Variants in CORO2B observed in about 807,000 individuals in gnomAD.
CORO2B encodes coronin-2B.
A neutral mutation model predicts 58.8 loss-of-function variants in CORO2B; 26 were observed. The ratio of observed to expected loss-of-function variants is 0.44; its 90% confidence interval spans 0.32 to 0.61. The LOEUF (loss-of-function observed/expected upper bound fraction) is 0.61. Among genes scored for constraint, CORO2B ranks in the 20% least tolerant of loss-of-function variants. The pLI, the probability that CORO2B is intolerant of heterozygous loss-of-function variation, is 0.04. For missense variants in CORO2B, 460 were observed against 645.1 expected (o/e 0.71, Z 3.11); for synonymous variants, 242 against 253.8 (o/e 0.95, Z 0.44).
intron 2 of CORO2B, among the ~76,000 whole-genome samples, chr15:68,681,962 T>C (rs1902804062): frequency 6.6e-6 from 1 of 152,122 alleles, no homozygotes; most frequent in African/African-American, 2.4e-5. Flanking sequence ...GAGCCAGACT[T>C]GGAACCAGAT....
intron 2 of CORO2B, among the ~76,000 whole-genome samples, chr15:68,660,295 C>T (rs558738077): frequency 6.6e-6 from 1 of 152,322 alleles, no homozygotes; most frequent in Admixed American, 6.5e-5. Context: ...GGCATTGCTT[C>T]AGAAGCACTC....
chr15:68,618,574 C>G (rs1257226196), intron 1 of CORO2B, among the ~76,000 whole-genome samples: 1 of 152,258 alleles, frequency 6.6e-6, no homozygotes, highest in Non-Finnish European at 1.5e-5. Context: ...GGCACATGAG[C>G]AGTGCTCTTC....
At chr15:68,632,176 C>T in intron 1 of CORO2B, 2 of 985,562 alleles carry the variant, frequency 2.0e-6, no homozygotes, top group Non-Finnish European at 2.4e-6. Context: ...GCACCCGTGG[C>T]CCCCATGTGG....
intron 2 of CORO2B, among the ~76,000 whole-genome samples, chr15:68,661,783 G>A (rs553484104): frequency 1.3e-5 from 2 of 152,308 alleles, no homozygotes; most frequent in East Asian, 3.9e-4. Context: ...GAGGCAAGTG[G>A]ATCTCTTGAA....
the CORO2B span, among the ~76,000 whole-genome samples, chr15:68,560,719 C>T: frequency 6.6e-6 from 1 of 152,162 alleles, no homozygotes; most frequent in Non-Finnish European, 1.5e-5. Context: ...TGGTCAGGGC[C>T]GCTCTCCAGC....
intron 2 of CORO2B, among the ~76,000 whole-genome samples, chr15:68,654,954 G>T (rs910024392): frequency 6.6e-6 from 1 of 152,200 alleles, no homozygotes; most frequent in African/African-American, 2.4e-5. Context: ...CAAGTCATTT[G>T]TGCCTAAAGG....
intron 3 of CORO2B, among the ~76,000 whole-genome samples, chr15:68,700,769 T>G (rs559137355): frequency 6.6e-6 from 1 of 151,854 alleles, no homozygotes; most frequent in East Asian, 2.0e-4. Flanking sequence ...CCAAGCCTCG[T>G]GCTCCCAGCC....
chr15:68,545,612 C>CGGGGGGGGGGG, the CORO2B span, among the ~76,000 whole-genome samples: 2 of 53,304 alleles, frequency 3.8e-5, no homozygotes, highest in African/African-American at 6.9e-5. Flanking sequence ...ATGCGGGGGG[C>CGGGGGGGGGGG]GGGGGGGGTA....
intron 3 of CORO2B, among the ~76,000 whole-genome samples, chr15:68,704,239 GAA>G (rs111998279): frequency 7.2e-6 from 1 of 138,650 alleles, no homozygotes; most frequent in African/African-American, 2.6e-5. Flanking sequence ...GACCGTGTCT[GAA>G]AAAAAAAAAG....
chr15:68,522,999 A>G, the CORO2B span, among the ~76,000 whole-genome samples: 1 of 152,082 alleles, frequency 6.6e-6, no homozygotes, highest in Non-Finnish European at 1.5e-5. Context: ...ATGCAGTTAG[A>G]GTAGGGGCTG....
intron 1 of CORO2B, among the ~76,000 whole-genome samples, chr15:68,599,924 G>T (rs562559653): frequency 3.9e-5 from 6 of 152,228 alleles, no homozygotes; most frequent in Admixed American, 3.9e-4. Flanking sequence ...AATGAACTGC[G>T]TCCTTGGAGA....
intron 1 of CORO2B, among the ~76,000 whole-genome samples, chr15:68,608,216 A>T (rs1029811053): frequency 2.0e-5 from 3 of 152,262 alleles, no homozygotes; most frequent in African/African-American, 7.2e-5. Context: ...GCCCACAGGC[A>T]TCCTTTGTGA....
the CORO2B span, among the ~76,000 whole-genome samples, chr15:68,537,448 T>C: frequency 6.6e-6 from 1 of 152,346 alleles, no homozygotes; most frequent in Admixed American, 6.5e-5. Flanking sequence ...TAGGTCAGAC[T>C]AGCCCACTGC....
intron 9 of CORO2B, 21 bp downstream of exon 9, chr15:68,718,831 C>A: frequency 6.3e-7 from 1 of 1,591,438 alleles, no homozygotes. Flanking sequence ...CTGGGCTGGG[C>A]TCCAGGAGGG....
intron 1 of CORO2B, among the ~76,000 whole-genome samples, chr15:68,623,816 G>T (rs555403267): frequency 3.9e-5 from 6 of 152,188 alleles, no homozygotes; most frequent in African/African-American, 1.4e-4. Context: ...TTGGAGGCGG[G>T]TGTGTTTGAG....
At chr15:68,569,849 G>C in the CORO2B span, among the ~76,000 whole-genome samples, 2,282 of 152,272 alleles carry the variant, frequency 0.015, 53 homozygotes, top group African/African-American at 0.052. Context: ...TGAGGAAACC[G>C]AGGTGCAGAG....
chr15:68,537,525 A>G, the CORO2B span, among the ~76,000 whole-genome samples: 1 of 152,116 alleles, frequency 6.6e-6, no homozygotes. Context: ...GTACATGTGC[A>G]GGGTGTGCAG....
At chr15:68,691,202 G>T (rs113550443) in intron 2 of CORO2B, among the ~76,000 whole-genome samples, 16 of 150,004 alleles carry the variant, frequency 1.1e-4, no homozygotes, top group African/African-American at 2.9e-4. Context: ...GGTGGCGGGC[G>T]CCTGTGGTCT....
chr15:68,647,136 A>C (rs1901458651), intron 2 of CORO2B, among the ~76,000 whole-genome samples: 1 of 152,228 alleles, frequency 6.6e-6, no homozygotes, highest in African/African-American at 2.4e-5. Context: ...AAGAAAAGCT[A>C]CATGTGTATT....
Sources: allele counts gnomAD v4.1 joint callset (sites outside exome capture counted in the v4.1 genomes callset), GRCh38; gene constraint gnomAD v4.1.1; transcripts MANE v1.5; gene names NCBI Gene and HGNC (gene_info 2026-07-23, HGNC 2026-07-21).